PHKB: variants seen among roughly 807,000 people sequenced by gnomAD.
PHKB encodes phosphorylase kinase regulatory subunit beta, also known as phosphorylase b kinase regulatory subunit beta.
In PHKB, 122 loss-of-function variants were observed where a neutral mutation model predicts 152.1. The observed-to-expected ratio is 0.80, with a 90% CI of 0.69 to 0.93. The LOEUF (loss-of-function observed/expected upper bound fraction) is 0.93, where lower values mean the gene tolerates loss of function less well. Among genes scored for constraint, PHKB ranks in the 40% least tolerant of loss-of-function variants. The probability of loss-of-function intolerance (pLI) is 0.00; values close to 1 mark genes in which losing one functional copy is unlikely to be tolerated. For synonymous variants in PHKB, 436 were observed against 464.9 expected (o/e 0.94, Z 0.80); for missense variants, 1,304 against 1,328.4 (o/e 0.98, Z 0.29).
chr16:47,661,635 C>T (rs1973445706), intron 22 of PHKB, 84 bp from the exon 23 acceptor site: 1 of 825,204 alleles, frequency 1.2e-6, no homozygotes, highest in African/African-American at 1.7e-5. Context: ...TTCTCTGCAT[C>T]ATGTGGTTTT....
At chr16:47,597,776 T>C (rs1972149161) in intron 13 of PHKB, 1 of 151,118 alleles carries the variant, frequency 6.6e-6, no homozygotes, top group South Asian at 2.1e-4. Context: ...GATATAAATT[T>C]CAGGAACTCT....
chr16:47,580,776 G>C (rs1971831372), intron 8 of PHKB, among the ~76,000 whole-genome samples: 1 of 151,948 alleles, frequency 6.6e-6, no homozygotes, highest in African/African-American at 2.4e-5. Flanking sequence ...TGTGTGATGT[G>C]TTTAGCCAGA....
chr16:47,539,118 A>T (rs1971004679), intron 6 of PHKB, among the ~76,000 whole-genome samples: 1 of 152,196 alleles, frequency 6.6e-6, no homozygotes, highest in African/African-American at 2.4e-5. Context: ...AATTCACCAT[A>T]ATCTTGGTTT....
In PHKB at chr16:47,593,207, GAGAA is replaced by G. The variant is rs1303434496; in HGVS notation, c.1069-281_1069-278del. 4.7e-4 allele frequency among the ~76,000 whole-genome samples: 64 copies of G among 136,934 alleles called. No homozygotes were observed. The Middle Eastern group carries it at 0.011, about 23-fold the overall frequency. 89.8% of individuals were successfully genotyped at this position (136,934 alleles called of 152,430 possible). ...AGAGGGAGGGAGAGAGAGAGAGAGG[GAGAA>G]AGAAAGAAAGAGGGAAGGAGGGAGG... On this transcript the variant is annotated intron_variant, in intron 10 of 30. Coordinates refer to ENST00000323584, the MANE Select transcript of PHKB (RefSeq NM_000293.3).
At chr16:47,575,994 T>A (rs1971742300) in intron 7 of PHKB, among the ~76,000 whole-genome samples, 1 of 152,114 alleles carries the variant, frequency 6.6e-6, no homozygotes, top group Admixed American at 6.5e-5. Flanking sequence ...GAGAATCACT[T>A]GAACCCGGGA....
intron 20 of PHKB, among the ~76,000 whole-genome samples, chr16:47,657,295 C>T (rs1370922028): frequency 6.6e-6 from 1 of 152,078 alleles, no homozygotes; most frequent in African/African-American, 2.4e-5. Context: ...ATTTATTGTG[C>T]TCCGACTGTA....
intron 6 of PHKB, among the ~76,000 whole-genome samples, chr16:47,530,132 CTTTT>C (rs201960518): frequency 2.3e-5 from 3 of 129,724 alleles, no homozygotes; most frequent in Admixed American, 7.9e-5. Flanking sequence ...ATATAAACTC[CTTTT>C]TTTTTTTTTT....
chr16:47,684,891 G>A (rs967553324), intron 26 of PHKB, among the ~76,000 whole-genome samples: 5 of 152,170 alleles, frequency 3.3e-5, no homozygotes, highest in Non-Finnish European at 5.9e-5. Context: ...TTGTCCTTAA[G>A]TCAAACCTGG....
chr16:47,565,677 GT>G, intron 7 of PHKB: 1 of 1,334,012 alleles, frequency 7.5e-7, no homozygotes, highest in Non-Finnish European at 1.1e-6. Context: ...CTGTTCCTGA[GT>G]TTCTTCACTT....
intron 2 of PHKB, among the ~76,000 whole-genome samples, chr16:47,497,974 A>C (rs1970261732): frequency 6.6e-6 from 1 of 152,052 alleles, no homozygotes; most frequent in African/African-American, 2.4e-5. Context: ...AGCCTTGCAA[A>C]TTTTGTTTTT....
At chr16:47,537,184 A>G (rs926372659) in intron 6 of PHKB, among the ~76,000 whole-genome samples, 3 of 152,252 alleles carry the variant, frequency 2.0e-5, no homozygotes, top group African/African-American at 7.2e-5. Context: ...AAAAGGAAAC[A>G]TAGTAGTGTC....
rs763504768 is a variant in PHKB at position 47,672,954 on chromosome 16, A to G, written c.2630+3537A>G. ...CAACTGACTCATAAAGAAATTTGCT[A>G]TGAAACCTTAATTATTCACCGTCCT... On this transcript the variant is annotated intron_variant, in intron 26 of 30. Transcript: ENST00000323584. Among the ~76,000 whole-genome samples, 4 of 152,098 alleles carry G rather than the reference A, an allele frequency of 2.6e-5. No individual in the cohort carries two copies. In the East Asian group the frequency reaches 5.8e-4, roughly 22 times the overall value.
At chr16:47,532,925 A>T (rs1266219861) in intron 6 of PHKB, among the ~76,000 whole-genome samples, 1 of 152,232 alleles carries the variant, frequency 6.6e-6, no homozygotes, top group Non-Finnish European at 1.5e-5. Context: ...CAAAATGAAG[A>T]AGAGCTTTAT....
At position 47,566,538 on chromosome 16, in the gene PHKB, T is replaced by C. The variant is rs1971570371; in HGVS notation, c.711-13757T>C. The stretch of plus-strand genomic sequence containing the variant: ...ACGTGGTAAAAGCACTGCACTGATA[T>C]TTAGTCCTCTAAAGAATTCTTTAAT... On this transcript the variant is annotated intron_variant, in intron 7 of 30. Coordinates refer to ENST00000323584, the MANE Select transcript of PHKB (RefSeq NM_000293.3). 3 of 1,596,820 alleles carry C rather than the reference T, an allele frequency of 1.9e-6. No individual in the cohort carries two copies. In the African/African-American group the frequency reaches 4.0e-5, roughly 21 times the overall value.
intron 6 of PHKB, among the ~76,000 whole-genome samples, chr16:47,539,834 T>C (rs1275550122): frequency 6.6e-6 from 1 of 152,180 alleles, no homozygotes; most frequent in African/African-American, 2.4e-5. Flanking sequence ...TGAGGACGTA[T>C]GTCACGTCAG....
At chr16:47,468,029 T>G (rs1221105083) in intron 1 of PHKB, among the ~76,000 whole-genome samples, 1 of 152,208 alleles carries the variant, frequency 6.6e-6, no homozygotes, top group East Asian at 1.9e-4. Context: ...CTTCATTTCA[T>G]TAAACTAAAC....
chr16:47,480,145 G>A (rs972576030), intron 1 of PHKB, among the ~76,000 whole-genome samples: 1 of 152,112 alleles, frequency 6.6e-6, no homozygotes, highest in African/African-American at 2.4e-5. Context: ...TTTCAGTAGG[G>A]AGCTCTGCTT....
intron 26 of PHKB, among the ~76,000 whole-genome samples, chr16:47,686,741 C>G (rs1424592375): frequency 1.3e-5 from 2 of 152,048 alleles, no homozygotes; most frequent in African/African-American, 4.8e-5. Context: ...GCTATATTTG[C>G]TTTATCTTTT....
chr16:47,565,395 C>T, intron 7 of PHKB: 5 of 1,121,042 alleles, frequency 4.5e-6, no homozygotes, highest in Non-Finnish European at 6.8e-6. Context: ...TTTCCCCCAC[C>T]ACTTGTAGGG....
Sources: gnomAD v4.1 joint callset for allele counts (sites outside exome capture counted in the v4.1 genomes callset) on GRCh38, gnomAD v4.1.1 for gene constraint, MANE v1.5 for transcripts, NCBI Gene and HGNC (gene_info 2026-07-23, HGNC 2026-07-21) for gene names.